Variants in PIK3R5 observed in about 807,000 individuals in gnomAD.
The protein encoded by PIK3R5 is phosphoinositide-3-kinase regulatory subunit 5.
A neutral mutation model predicts 94.9 loss-of-function variants in PIK3R5; 32 were observed. The ratio of observed to expected loss-of-function variants is 0.34; its 90% CI spans 0.25 to 0.45. The LOEUF (loss-of-function observed/expected upper bound fraction) is 0.45, where lower values mean the gene tolerates loss of function less well. PIK3R5 is among the 20% of genes least tolerant of loss of function. The probability of loss-of-function intolerance (pLI) is 1.00; values close to 1 mark genes in which losing one functional copy is unlikely to be tolerated. For synonymous variants in PIK3R5, 443 were observed against 479.4 expected, an observed-to-expected ratio of 0.92 and a Z score of 0.99; for missense variants, 853 against 1,144.6, an observed-to-expected ratio of 0.75 and a Z score of 3.68.
chr17:8,894,324 G>T (rs918241432), intron 5 of PIK3R5, among the ~76,000 whole-genome samples: 1 of 152,256 alleles, frequency 6.6e-6, no homozygotes, highest in South Asian at 2.1e-4. Flanking sequence ...CCCCTCTCCC[G>T]GTCCGGGGTG....
Position 8,882,004 on chromosome 17 carries a change from C to T in PIK3R5, c.2206-123G>A. The T allele has an allele frequency of 4.1e-6, 3 of 724,076 alleles. No homozygotes were observed. The highest frequency in any genetic ancestry group is 4.8e-6 in the Non-Finnish European group (2 of 413,906). The allele number at this position is 724,076 out of a possible 1,614,324, so 44.9% of individuals were successfully genotyped here. ...TTAGCATATCCCCAGAAAGCCCTCT[C>T]TTATTCACCAGGGCCCCTGTACCAC... On this transcript the variant is annotated intron_variant, in intron 15 of 18. Coordinates refer to ENST00000447110, the MANE Select transcript of PIK3R5 (RefSeq NM_001142633.3). This position sits in a 1 kb window ranked among gnomAD's most constrained non-coding sequence, Gnocchi z 4.1.
At chr17:8,959,396 T>C (rs2091519517) in intron 1 of PIK3R5, among the ~76,000 whole-genome samples, 1 of 145,628 alleles carries the variant, frequency 6.9e-6, no homozygotes, top group Non-Finnish European at 1.5e-5. Flanking sequence ...TAGAATTTTA[T>C]GCAAAACTTT....
intron 1 of PIK3R5, among the ~76,000 whole-genome samples, chr17:8,914,981 C>G (rs1028718582): frequency 2.0e-5 from 3 of 152,224 alleles, no homozygotes; most frequent in Non-Finnish European, 4.4e-5. Flanking sequence ...TGCCTAAAGT[C>G]ACACAGCTAG....
At chr17:8,961,237 C>T (rs2091557863) in intron 1 of PIK3R5, among the ~76,000 whole-genome samples, 1 of 152,156 alleles carries the variant, frequency 6.6e-6, no homozygotes, top group African/African-American at 2.4e-5. Flanking sequence ...CAGAGGTCTC[C>T]TCAGGCTACA....
chr17:8,914,227 T>C (rs2090588439), intron 1 of PIK3R5, among the ~76,000 whole-genome samples: 1 of 151,948 alleles, frequency 6.6e-6, no homozygotes, highest in Admixed American at 6.5e-5. Flanking sequence ...CCCCAGCAAG[T>C]CCCTCATTTT....
intron 3 of PIK3R5, 53 bp from the exon 4 acceptor site, chr17:8,905,790 C>T (rs1160753611): frequency 1.6e-6 from 2 of 1,281,860 alleles, no homozygotes; most frequent in African/African-American, 3.0e-5. Flanking sequence ...TCCAGGGCTC[C>T]CTGAGGCAGA....
In PIK3R5 at chr17:8,890,610, A is replaced by T. The variant is rs549487440; in HGVS notation, c.657+128T>A. 10 of 847,040 alleles carry T rather than the reference A, an allele frequency of 1.2e-5. No homozygotes were observed. In the African/African-American group the frequency reaches 1.4e-4, roughly 12 times the overall value. The allele number at this position is 847,040 out of a possible 1,614,324, so 52.5% of individuals were successfully genotyped here. Reference sequence around the variant, plus strand: ...CTATGAGGTCAGCCCTCCAGCCACCACCCTGCCATGTCACCTGGGTGCAGG... The same window carrying T: ...CTATGAGGTCAGCCCTCCAGCCACCTCCCTGCCATGTCACCTGGGTGCAGG... On this transcript the variant is annotated intron_variant, in intron 7 of 18. Transcript: ENST00000447110. This position sits in a 1 kb window ranked among gnomAD's most constrained non-coding sequence, Gnocchi z 6.1.
rs1046424538 is a variant in PIK3R5, at chr17:8,886,233, C to T, written c.2124G>A (p.Ala708=). 7 of 1,611,162 alleles carry T rather than the reference C, an allele frequency of 4.3e-6. No homozygotes were observed. The highest frequency in any genetic ancestry group is 4.0e-5 in the African/African-American group (3 of 74,932). The part of the protein sequence containing the change: ...GHSAATRAIK[A]SGPGSKRLGI... The stretch of plus-strand genomic sequence containing the variant: ...CTCTGCTCAGGCAGTACCCACCTGA[C>T]GCCTTGATGGCACGTGTGGCAGCGG... The change falls in exon 14 of 19, where the codon GCG becomes GCA. Residue 708 remains alanine (A), a synonymous_variant. Transcript: ENST00000447110.
In PIK3R5 at chr17:8,960,948, C is replaced by T. The variant is rs181844374; in HGVS notation, c.-14+4648G>A. Among the ~76,000 whole-genome samples the T allele has an allele frequency of 5.1e-3, 773 of 150,148 alleles. 4 individuals carry two copies. Among genetic ancestry groups the T allele is most frequent in the African/African-American group, 0.018 (732 of 41,004 alleles). On this transcript the variant is annotated intron_variant, in intron 1 of 18. Transcript: ENST00000447110. ...AGGGAGTTTCAGAGTGACAGCCTGA[C>T]GCCATGCTGAACATCAAGTGGCTAG...
At position 8,893,897 on chromosome 17, in the gene PIK3R5, G is replaced by C. The variant is rs2090086480; in HGVS notation, c.413-242C>G. On this transcript the variant is annotated intron_variant, in intron 5 of 18. Transcript: ENST00000447110. This position sits in a 1 kb window ranked among gnomAD's most constrained non-coding sequence, Gnocchi z 5.1. ...CCTCCAACACCAAAACTCGGTCCTG[G>C]GCCTCGCTGTCCTCTGGATTCCCGT... 5.1e-6 allele frequency: 2 copies of C among 389,512 alleles called. No individual in the cohort carries two copies. Among genetic ancestry groups the C allele is most frequent in the South Asian group, 7.1e-5 (2 of 27,986 alleles). 24.1% of individuals were successfully genotyped at this position (389,512 alleles called of 1,614,324 possible).
At chr17:8,953,177 C>T (rs1158197924) in intron 1 of PIK3R5, among the ~76,000 whole-genome samples, 1 of 152,194 alleles carries the variant, frequency 6.6e-6, no homozygotes, top group Non-Finnish European at 1.5e-5. Context: ...TCAACTTCCA[C>T]AAGTCCCCAC....
In PIK3R5 at chr17:8,888,669, C is replaced by T. The variant is rs779305139; in HGVS notation, c.1118G>A (p.Arg373His). The stretch of plus-strand genomic sequence containing the variant: ...TGAGACAAAGGAAGTCAGCAGATGG[C>T]GCGAGAGGGCCGGCCCCGAGGCCTG... ...SSQASGPALS[R>H]HLLTSFVSGL... The change falls in exon 10 of 19, where the codon CGC becomes CAC. Residue 373 changes from arginine (R) to histidine (H), a missense_variant. Physicochemically the swap from Arg to His is conservative, Grantham distance 29. Around this residue, in one of 6 missense-constraint regions of PIK3R5, gnomAD observed 319 missense variants for 339.8 expected, o/e 0.94. Transcript: ENST00000447110. This position sits in a 1 kb window ranked among gnomAD's most constrained non-coding sequence, Gnocchi z 7.8. 7.4e-6 allele frequency: 12 copies of T among 1,613,838 alleles called. 1 individual carries two copies. The highest frequency in any genetic ancestry group is 4.5e-5 in the East Asian group (2 of 44,882).
chr17:8,905,233 T>C (rs935722058), intron 4 of PIK3R5, among the ~76,000 whole-genome samples: 4 of 152,280 alleles, frequency 2.6e-5, no homozygotes, highest in African/African-American at 9.6e-5. Flanking sequence ...TGGTCTTCAA[T>C]GCCTAAACCA....
chr17:8,905,831 C>A, intron 3 of PIK3R5, 94 bp from the exon 4 acceptor site: 53 of 381,316 alleles, frequency 1.4e-4, no homozygotes, highest in Non-Finnish European at 1.9e-4. Flanking sequence ...TCTAGCCTTT[C>A]TTTTTTTTTT....
At chr17:8,939,474 G>A (rs191326877) in intron 1 of PIK3R5, among the ~76,000 whole-genome samples, 24 of 152,272 alleles carry the variant, frequency 1.6e-4, no homozygotes, top group East Asian at 1.3e-3. Context: ...GGGAGTATAC[G>A]TTCTTCTCAT....
intron 11 of PIK3R5, 140 bp downstream of exon 11, chr17:8,887,381 T>C: frequency 7.6e-7 from 1 of 1,323,590 alleles, no homozygotes; most frequent in East Asian, 2.5e-5. Context: ...AAATGTCATG[T>C]CCAAGTGCAG....
chr17:8,884,808 T>G lies in PIK3R5; in HGVS notation c.2129-25A>C. The G allele has an allele frequency of 6.2e-7, 1 of 1,608,926 alleles. No individual in the cohort carries two copies. Among genetic ancestry groups the G allele is most frequent in the Non-Finnish European group, 8.5e-7 (1 of 1,177,252 alleles). On this transcript the variant is annotated intron_variant, in intron 14 of 18. Coordinates refer to ENST00000447110, the MANE Select transcript of PIK3R5 (RefSeq NM_001142633.3). The surrounding 1 kb of genome is among the most constrained non-coding windows in gnomAD (Gnocchi z 5.8). ...CCTGTGCCACACACAGACAGACCCT[T>G]CACTACCCCTGGCTTCCCCGGCTCC...
chr17:8,901,892 A>G (rs1489274293), intron 5 of PIK3R5, among the ~76,000 whole-genome samples: 2 of 152,100 alleles, frequency 1.3e-5, no homozygotes, highest in African/African-American at 4.8e-5. Context: ...TGCGTTGATG[A>G]ACGTCTTTGT....
intron 1 of PIK3R5, among the ~76,000 whole-genome samples, chr17:8,959,217 GT>G (rs1346491437): frequency 6.6e-6 from 1 of 152,208 alleles, no homozygotes; most frequent in African/African-American, 2.4e-5. Context: ...CCTCTACACA[GT>G]TTTCATTATC....
Sources: gnomAD v4.1 joint callset for allele counts (sites outside exome capture counted in the v4.1 genomes callset) on GRCh38, gnomAD v4.1.1 for gene constraint, gnomAD v4.1.1 regional missense constraint, Gnocchi (gnomAD v3.1) non-coding constraint, MANE v1.5 for transcripts, NCBI Gene and HGNC (gene_info 2026-07-23, HGNC 2026-07-21) for gene names.